FHDC1: variants seen among roughly 807,000 people sequenced by gnomAD.
FHDC1 encodes the protein FH2 domain-containing protein 1.
In FHDC1, 25 loss-of-function variants were observed where a neutral mutation model predicts 52.6. The ratio of observed to expected loss-of-function variants is 0.48; its 90% CI spans 0.35 to 0.66. The LOEUF is 0.66. FHDC1 is among the 30% of genes least tolerant of loss of function. The probability of loss-of-function intolerance (pLI) is 0.01; values close to 1 mark genes in which losing one functional copy is unlikely to be tolerated. For synonymous variants in FHDC1, 616 were observed against 581.5 expected, an observed-to-expected ratio of 1.06 and a Z score of -0.85; for missense variants, 1,459 against 1,452.8, an observed-to-expected ratio of 1.00 and a Z score of -0.07.
chr4:152,914,952 A>G, the FHDC1 span, among the ~76,000 whole-genome samples: 1 of 152,166 alleles, frequency 6.6e-6, no homozygotes, highest in East Asian at 1.9e-4. Flanking sequence ...GGTAACTTTA[A>G]TCTTGCCAGC....
Position 152,968,025 on chromosome 4 carries a change from C to T in FHDC1, c.1146C>T (p.Val382=). Reference sequence around the variant, plus strand: ...AGGCAGAACTGCACTTGCTGTTTGTCAGGACAAAATCACTAAAAGAAAACA... The same window carrying T: ...AGGCAGAACTGCACTTGCTGTTTGTTAGGACAAAATCACTAAAAGAAAACA... ...NTEAELHLLF[V]RTKSLKENIQ... is the part of the protein sequence containing the mutation. The change falls in exon 10 of 12, where the codon GTC becomes GTT. Residue 382 remains valine, a synonymous_variant. Coordinates refer to ENST00000511601, the MANE Select transcript of FHDC1 (RefSeq NM_001371116.1). The T allele has an allele frequency of 6.2e-7, 1 of 1,613,798 alleles. No individual in the cohort carries two copies. Among genetic ancestry groups the T allele is most frequent in the Non-Finnish European group, 8.5e-7 (1 of 1,179,892 alleles).
At chr4:152,968,202 C>T in intron 10 of FHDC1, 105 bp downstream of exon 10, 1 of 763,362 alleles carries the variant, frequency 1.3e-6, no homozygotes, top group Non-Finnish European at 2.2e-6. Flanking sequence ...AGTTCCCATT[C>T]ATATTTTTTT....
chr4:152,949,109 T>TAAGAAG (rs1478019320), intron 2 of FHDC1, among the ~76,000 whole-genome samples: 51 of 75,056 alleles, frequency 6.8e-4, no homozygotes, highest in South Asian at 1.1e-3. Context: ...ATAATAATAA[T>TAAGAAG]AATAATAATA....
intron 2 of FHDC1, among the ~76,000 whole-genome samples, chr4:152,948,420 G>A (rs1739801740): frequency 6.6e-6 from 1 of 152,156 alleles, no homozygotes; most frequent in Non-Finnish European, 1.5e-5. Context: ...GTGGTTGCCA[G>A]GAAATGAGAG....
chr4:152,951,909 C>T (rs1400225150), intron 2 of FHDC1, among the ~76,000 whole-genome samples: 1 of 152,152 alleles, frequency 6.6e-6, no homozygotes. Flanking sequence ...AAATTTTGAT[C>T]AGTGAAAACC....
chr4:152,972,695 T>A (rs1450286277), intron 11 of FHDC1, among the ~76,000 whole-genome samples, 154 bp downstream of exon 11: 1 of 152,192 alleles, frequency 6.6e-6, no homozygotes, highest in Non-Finnish European at 1.5e-5. Flanking sequence ...TCGGCTGGGA[T>A]TGCTGGAAAG....
the FHDC1 span, chr4:152,927,666 A>C: frequency 1.3e-6 from 2 of 1,587,356 alleles, no homozygotes; most frequent in South Asian, 2.2e-5. Flanking sequence ...GAACAGTTCA[A>C]ATTCAAAAAC....
the FHDC1 span, among the ~76,000 whole-genome samples, chr4:152,922,994 G>A: frequency 6.6e-6 from 1 of 152,074 alleles, no homozygotes; most frequent in African/African-American, 2.4e-5. Context: ...CATAGTGTTG[G>A]AAGTTCTGGC....
the FHDC1 span, among the ~76,000 whole-genome samples, chr4:152,924,649 G>A: frequency 6.6e-6 from 1 of 152,020 alleles, no homozygotes; most frequent in Admixed American, 6.6e-5. Context: ...AGAAAATGTG[G>A]CACATATACA....
rs1198705845 is a variant in FHDC1, at chr4:152,952,335, TC to T, written c.499-1163del. On this transcript the variant is annotated intron_variant, in intron 2 of 11. Transcript: ENST00000511601. ...TTTCTCAGTTCAAATCTCACGCGAT[TC>T]TTGTTAGGCCAAGACATCCATTTCT... Among the ~76,000 whole-genome samples, 15 of 152,316 alleles carry T rather than the reference TC, an allele frequency of 9.8e-5. No homozygotes were observed. The East Asian group carries it at 2.9e-3, about 30-fold the overall frequency.
chr4:152,923,412 T>C, the FHDC1 span, among the ~76,000 whole-genome samples: 1 of 152,100 alleles, frequency 6.6e-6, no homozygotes, highest in Non-Finnish European at 1.5e-5. Flanking sequence ...AGAATCAATA[T>C]CATGAAAATG....
upstream of FHDC1, among the ~76,000 whole-genome samples, chr4:152,931,659 G>A (rs1739254748): frequency 6.6e-6 from 1 of 152,074 alleles, no homozygotes. Flanking sequence ...AGGCACTATT[G>A]TTGACAAAAT....
Position 152,976,898 on chromosome 4 carries a change from G to C in FHDC1, c.*175G>C. On this transcript the variant is annotated 3_prime_UTR_variant, in exon 12 of 12. Transcript: ENST00000511601. ...GGAGGCCTGTGGACTGCAGCCTGCT[G>C]TGCTGAGCCCTGCTGCAGTCCAGCG... 3 of 765,920 alleles carry C rather than the reference G, an allele frequency of 3.9e-6. No individual in the cohort carries two copies. The highest frequency in any genetic ancestry group is 5.8e-6 in the Non-Finnish European group (3 of 521,178). 47.4% of individuals were successfully genotyped at this position (765,920 alleles called of 1,614,324 possible).
intron 1 of FHDC1, among the ~76,000 whole-genome samples, chr4:152,942,138 A>G (rs1275192283): frequency 6.6e-6 from 1 of 152,184 alleles, no homozygotes; most frequent in African/African-American, 2.4e-5. Flanking sequence ...TTCTTTGCTA[A>G]AAGTGTCAGA....
At chr4:152,966,804 T>A (rs900976293) in intron 9 of FHDC1, among the ~76,000 whole-genome samples, 9 of 152,146 alleles carry the variant, frequency 5.9e-5, no homozygotes, top group African/African-American at 2.2e-4. Flanking sequence ...ACAAAAGCAT[T>A]GCAATCAATC....
chr4:152,969,989 C>T (rs141463496), intron 10 of FHDC1, among the ~76,000 whole-genome samples: 70 of 152,220 alleles, frequency 4.6e-4, no homozygotes, highest in African/African-American at 1.4e-3. Flanking sequence ...ATAAGTAAAA[C>T]GTTTCATACA....
At position 152,975,220 on chromosome 4, in the gene FHDC1, T is replaced by C. The variant is rs1487496310; in HGVS notation, c.1929T>C (p.Ser643=). 2 of 1,613,288 alleles carry C rather than the reference T, an allele frequency of 1.2e-6. No homozygotes were observed. The highest frequency in any genetic ancestry group is 1.7e-6 in the Non-Finnish European group (2 of 1,180,018). Residue 643 remains serine (S), a synonymous_variant, in exon 12 of 12, where the codon AGT becomes AGC. Transcript: ENST00000511601. ...CCAGAGCTCGGCGCCAGGGCGTCAG[T>C]GTCCTCCGAAAGAGGTACAGTGAGC... is the stretch of plus-strand genomic sequence containing the variant. The part of the protein sequence containing the change: ...AFPRARRQGV[S]VLRKRYSEPV...
the FHDC1 span, among the ~76,000 whole-genome samples, chr4:152,913,685 A>T: frequency 1.3e-3 from 193 of 151,468 alleles, 1 homozygote; most frequent in African/African-American, 4.2e-3. Context: ...TTATTTATTT[A>T]TTTATTTTTT....
intron 10 of FHDC1, among the ~76,000 whole-genome samples, chr4:152,968,869 T>C (rs1302453570): frequency 6.6e-6 from 1 of 152,206 alleles, no homozygotes; most frequent in African/African-American, 2.4e-5. Flanking sequence ...CTTGTTTATG[T>C]TGAAGAAACA....
Sources: allele counts gnomAD v4.1 joint callset (sites outside exome capture counted in the v4.1 genomes callset), GRCh38; gene constraint gnomAD v4.1.1; transcripts MANE v1.5; gene names NCBI Gene and HGNC (gene_info 2026-07-23, HGNC 2026-07-21).